The following NCOA1 variants were observed in gnomAD, a reference collection of about 807,000 sequenced individuals.
NCOA1 encodes the protein Hin-2 protein.
NCOA1 carries 35 observed loss-of-function variants against 150.9 expected under a neutral mutation model. That is an observed-to-expected ratio of 0.23 (90% confidence interval 0.18 to 0.31). The LOEUF (loss-of-function observed/expected upper bound fraction) is 0.31, where lower values mean the gene tolerates loss of function less well. Ranked by LOEUF, NCOA1 falls within the 10% of genes least tolerant of loss-of-function variation. The pLI is 1.00. For synonymous variants in NCOA1, 590 were observed against 630.0 expected, an observed-to-expected ratio of 0.94 and a Z score of 0.95; for missense variants, 1,491 against 1,749.3, an observed-to-expected ratio of 0.85 and a Z score of 2.63.
At chr2:24,543,221 A>G (rs1190858088) in intron 1 of NCOA1, among the ~76,000 whole-genome samples, 2 of 152,198 alleles carry the variant, frequency 1.3e-5, no homozygotes, top group African/African-American at 4.8e-5. Flanking sequence ...ATGTACAAAG[A>G]GATCACATCG....
intron 1 of NCOA1, among the ~76,000 whole-genome samples, chr2:24,508,921 C>G (rs574422007): frequency 6.6e-6 from 1 of 152,132 alleles, no homozygotes; most frequent in Non-Finnish European, 1.5e-5. Context: ...AAGTGATCAC[C>G]ATGTTGTCTA....
chr2:24,534,013 A>G (rs1381189379), intron 1 of NCOA1, among the ~76,000 whole-genome samples: 1 of 152,182 alleles, frequency 6.6e-6, no homozygotes, highest in Non-Finnish European at 1.5e-5. Flanking sequence ...TTTCAGAAGG[A>G]ATGATACCAG....
At chr2:24,513,725 T>C (rs1664033665) in intron 1 of NCOA1, among the ~76,000 whole-genome samples, 1 of 152,236 alleles carries the variant, frequency 6.6e-6, no homozygotes, top group Non-Finnish European at 1.5e-5. Flanking sequence ...TAAACATTAC[T>C]GTCAGAGTGT....
At chr2:24,637,584 C>T (rs959530342) in intron 3 of NCOA1, among the ~76,000 whole-genome samples, 9 of 151,934 alleles carry the variant, frequency 5.9e-5, no homozygotes, top group African/African-American at 7.3e-5. Flanking sequence ...AGTAAACTAT[C>T]GCAAGAACAA....
At chr2:24,649,610 T>C (rs1670624413) in intron 4 of NCOA1, among the ~76,000 whole-genome samples, 1 of 152,236 alleles carries the variant, frequency 6.6e-6, no homozygotes, top group Non-Finnish European at 1.5e-5. Context: ...GTCGTGAATA[T>C]ACTAGGAATA....
chr2:24,497,646 T>C (rs889588248), intron 1 of NCOA1, among the ~76,000 whole-genome samples: 17 of 151,774 alleles, frequency 1.1e-4, no homozygotes, highest in Non-Finnish European at 1.8e-4. Flanking sequence ...CACTCCAGCC[T>C]GGGTGACAGA....
chr2:24,682,006 G>A (rs997987479), intron 7 of NCOA1, among the ~76,000 whole-genome samples: 2 of 152,164 alleles, frequency 1.3e-5, no homozygotes, highest in African/African-American at 4.8e-5. Flanking sequence ...GAGACACTGC[G>A]CCCGGCCCCG....
At chr2:24,516,977 C>T (rs373524466) in intron 1 of NCOA1, among the ~76,000 whole-genome samples, 5,363 of 59,052 alleles carry the variant, frequency 0.091, 806 homozygotes, top group East Asian at 0.36. Flanking sequence ...TATATATACA[C>T]ATATACGTAT....
rs141827780 is a variant in NCOA1, at chr2:24,645,831, T to C, written c.-18+1709T>C. The stretch of plus-strand genomic sequence containing the variant: ...GTTTTCTGTTGTTTCCAATCAGGAC[T>C]GTTGGTTCTCCCTAAGGAGCAATAA... On this transcript the variant is annotated intron_variant, in intron 4 of 22. Transcript: ENST00000348332. 5.9e-5 allele frequency among the ~76,000 whole-genome samples: 9 copies of C among 152,314 alleles called. No individual in the cohort carries two copies. The East Asian group carries it at 9.7e-4, about 16-fold the overall frequency.
intron 2 of NCOA1, among the ~76,000 whole-genome samples, chr2:24,575,913 G>A (rs1402383333): frequency 6.6e-6 from 1 of 152,074 alleles, no homozygotes; most frequent in Non-Finnish European, 1.5e-5. Flanking sequence ...CTAAGTTTTG[G>A]CATGCAGTTA....
chr2:24,664,770 A>G (rs1038340093), intron 5 of NCOA1, among the ~76,000 whole-genome samples: 14 of 152,174 alleles, frequency 9.2e-5, no homozygotes, highest in Non-Finnish European at 2.1e-4. Context: ...TATGAGCTCT[A>G]TAGCAACTGA....
intron 11 of NCOA1, among the ~76,000 whole-genome samples, chr2:24,698,759 CTTAATT>C (rs1220091400): frequency 6.6e-6 from 1 of 152,064 alleles, no homozygotes. Context: ...TTTTGTCATT[CTTAATT>C]TTAACATTTT....
At chr2:24,763,444 C>G (rs1664884454) in intron 22 of NCOA1, among the ~76,000 whole-genome samples, 1 of 146,944 alleles carries the variant, frequency 6.8e-6, no homozygotes, top group Admixed American at 6.9e-5. Flanking sequence ...GAGGCTGAGG[C>G]AGGAGAATGG....
At chr2:24,758,964 G>A (rs562863553) in intron 21 of NCOA1, among the ~76,000 whole-genome samples, 1 of 152,140 alleles carries the variant, frequency 6.6e-6, no homozygotes, top group South Asian at 2.1e-4. Flanking sequence ...ACTCCAGCCT[G>A]GGCAACAGAG....
intron 6 of NCOA1, among the ~76,000 whole-genome samples, chr2:24,670,574 A>G (rs1287635939): frequency 1.3e-5 from 2 of 152,234 alleles, no homozygotes; most frequent in Non-Finnish European, 2.9e-5. Context: ...GCCGAGTCAC[A>G]TATGACCACA....
intron 1 of NCOA1, among the ~76,000 whole-genome samples, chr2:24,496,648 C>T (rs767721775): frequency 6.6e-6 from 1 of 152,092 alleles, no homozygotes; most frequent in Admixed American, 6.5e-5. Context: ...GATTGGAAAA[C>T]GCTTGAGATG....
intron 1 of NCOA1, among the ~76,000 whole-genome samples, chr2:24,537,941 G>C (rs1293011299): frequency 6.6e-6 from 1 of 152,160 alleles, no homozygotes; most frequent in Non-Finnish European, 1.5e-5. Flanking sequence ...TGTCTAAGAA[G>C]GGGACAATCC....
At chr2:24,624,649 G>A (rs974785867) in intron 3 of NCOA1, among the ~76,000 whole-genome samples, 2 of 152,152 alleles carry the variant, frequency 1.3e-5, no homozygotes, top group African/African-American at 4.8e-5. Context: ...GTGTTTTGTT[G>A]ATGAATGGCA....
chr2:24,686,733 A>T (rs1401782399), intron 8 of NCOA1, among the ~76,000 whole-genome samples: 2 of 152,168 alleles, frequency 1.3e-5, no homozygotes, highest in South Asian at 4.1e-4. Flanking sequence ...CAGTTAACTT[A>T]AAAAAATCGA....
Sources: allele counts gnomAD v4.1 joint callset (sites outside exome capture counted in the v4.1 genomes callset), GRCh38; gene constraint gnomAD v4.1.1; transcripts MANE v1.5; gene names NCBI Gene and HGNC (gene_info 2026-07-23, HGNC 2026-07-21).